Variants in NFIA observed in about 807,000 individuals in gnomAD.
NFIA encodes nuclear factor 1 A-type.
NFIA carries 8 observed loss-of-function variants against 62.8 expected under a neutral mutation model. That is an observed-to-expected ratio of 0.13 (90% CI 0.07 to 0.23). NFIA has a LOEUF of 0.23. Ranked by LOEUF, NFIA falls within the 10% of genes least tolerant of loss-of-function variation. The probability of loss-of-function intolerance (pLI) is 1.00; values close to 1 mark genes in which losing one functional copy is unlikely to be tolerated. For missense variants in NFIA, 410 were observed against 642.1 expected, an observed-to-expected ratio of 0.64 and a Z score of 3.91; for synonymous variants, 235 against 238.1, an observed-to-expected ratio of 0.99 and a Z score of 0.12.
intron 2 of NFIA, chr1:61,249,036 G>C (rs975109230): frequency 9.2e-5 from 14 of 152,210 alleles, no homozygotes; most frequent in African/African-American, 3.4e-4. Flanking sequence ...AGTTGTGAGA[G>C]AAAAGTAGGT....
chr1:61,154,088 C>G (rs1648618988), intron 2 of NFIA, among the ~76,000 whole-genome samples: 2 of 152,202 alleles, frequency 1.3e-5, no homozygotes, highest in South Asian at 4.1e-4. Flanking sequence ...CACTTTAACT[C>G]AGACTGTTGG....
chr1:61,392,922 C>T (rs1201259109), intron 7 of NFIA, among the ~76,000 whole-genome samples: 3 of 152,150 alleles, frequency 2.0e-5, no homozygotes, highest in Non-Finnish European at 2.9e-5. Flanking sequence ...CTCAGTCACA[C>T]GCAGGCCTAT....
chr1:61,345,203 T>C (rs1202374501), intron 4 of NFIA, among the ~76,000 whole-genome samples: 3 of 152,234 alleles, frequency 2.0e-5, no homozygotes, highest in Non-Finnish European at 4.4e-5. Context: ...TCAGATTCGT[T>C]AATTACAATA....
intron 9 of NFIA, among the ~76,000 whole-genome samples, chr1:61,411,294 A>G (rs564153872): frequency 1.2e-4 from 19 of 152,276 alleles, no homozygotes; most frequent in Admixed American, 7.2e-4. Context: ...TTAATGGGAA[A>G]AATCCTTACC....
At chr1:61,358,039 T>C (rs1193141775) in intron 5 of NFIA, among the ~76,000 whole-genome samples, 1 of 151,890 alleles carries the variant, frequency 6.6e-6, no homozygotes, top group Non-Finnish European at 1.5e-5. Context: ...AAATGAGATA[T>C]ATTCTGAAAG....
chr1:61,434,302 A>G (rs1667235023), intron 10 of NFIA, among the ~76,000 whole-genome samples: 1 of 152,098 alleles, frequency 6.6e-6, no homozygotes. Context: ...AATAGTAAGC[A>G]ACACCTCGCA....
At chr1:61,082,880 T>G (rs1369649416) in intron 1 of NFIA, 62 bp downstream of exon 1, 86 of 586,402 alleles carry the variant, frequency 1.5e-4, no homozygotes, top group Non-Finnish European at 2.0e-4. Context: ...GGGCTGGGGC[T>G]GGGTGGGGGG....
intron 6 of NFIA, among the ~76,000 whole-genome samples, chr1:61,370,710 G>C (rs1383951682): frequency 6.6e-6 from 1 of 152,158 alleles, no homozygotes; most frequent in Non-Finnish European, 1.5e-5. Context: ...TCAGCCCACT[G>C]TGGGGAACTG....
At chr1:61,237,595 C>T (rs557115011) in intron 2 of NFIA, among the ~76,000 whole-genome samples, 1 of 152,298 alleles carries the variant, frequency 6.6e-6, no homozygotes, top group South Asian at 2.1e-4. Context: ...ACAGAATCAA[C>T]AGGAGATAAG....
At chr1:61,274,893 A>G (rs1657714885) in intron 2 of NFIA, among the ~76,000 whole-genome samples, 1 of 152,132 alleles carries the variant, frequency 6.6e-6, no homozygotes, top group African/African-American at 2.4e-5. Flanking sequence ...TAGCACTAAG[A>G]CTGGGTAGTT....
chr1:61,397,586 T>G (rs1253555640), intron 7 of NFIA, among the ~76,000 whole-genome samples: 1 of 152,166 alleles, frequency 6.6e-6, no homozygotes, highest in African/African-American at 2.4e-5. Context: ...ATCACTTAAT[T>G]GTGTGATCAG....
At chr1:61,363,585 C>T (rs1393603404) in intron 6 of NFIA, among the ~76,000 whole-genome samples, 1 of 132,258 alleles carries the variant, frequency 7.6e-6, no homozygotes, top group Non-Finnish European at 1.6e-5. Context: ...GCCTGGGCAA[C>T]AAGAGCAAAA....
intron 6 of NFIA, among the ~76,000 whole-genome samples, chr1:61,368,012 C>T (rs888817844): frequency 3.3e-5 from 5 of 152,182 alleles, no homozygotes; most frequent in Admixed American, 6.5e-5. Context: ...GCGATGTATA[C>T]GTTTGTCGAA....
intron 2 of NFIA, among the ~76,000 whole-genome samples, chr1:61,247,806 T>A (rs1655748134): frequency 6.6e-6 from 1 of 152,154 alleles, no homozygotes; most frequent in Admixed American, 6.5e-5. Flanking sequence ...AAAAAGGGCA[T>A]TCATCTCAGG....
At position 61,332,911 on chromosome 1, in the gene NFIA, A is replaced by G. The variant is rs183953025; in HGVS notation, c.700+325A>G. Among the ~76,000 whole-genome samples the G allele has an allele frequency of 2.6e-3, 400 of 152,322 alleles. 4 individuals carry two copies. Among genetic ancestry groups the G allele is most frequent in the African/African-American group, 9.1e-3 (379 of 41,570 alleles). On this transcript the variant is annotated intron_variant, in intron 4 of 10. Transcript: ENST00000403491. The stretch of plus-strand genomic sequence containing the variant: ...TGCTAATGCCCTCAGTATGAGTGAC[A>G]CAGTCTGGGATGATCATTACCAGTT...
At chr1:61,334,579 A>C (rs1304758023) in intron 4 of NFIA, among the ~76,000 whole-genome samples, 1 of 74,406 alleles carries the variant, frequency 1.3e-5, no homozygotes, top group African/African-American at 4.9e-5. Context: ...ATATATATAT[A>C]TATATATATA....
chr1:61,286,046 C>T (rs1356579307), intron 3 of NFIA, among the ~76,000 whole-genome samples: 3 of 152,130 alleles, frequency 2.0e-5, no homozygotes, highest in Non-Finnish European at 4.4e-5. Context: ...TGACACTGAG[C>T]GTCTGTTAAG....
chr1:61,138,613 C>G (rs1259572957), intron 2 of NFIA, among the ~76,000 whole-genome samples: 2 of 151,860 alleles, frequency 1.3e-5, no homozygotes, highest in African/African-American at 4.8e-5. Flanking sequence ...CAAGATCTTA[C>G]TCTGTTTCCC....
At chr1:61,146,602 C>G (rs537719232) in intron 2 of NFIA, among the ~76,000 whole-genome samples, 1 of 152,186 alleles carries the variant, frequency 6.6e-6, no homozygotes, top group Non-Finnish European at 1.5e-5. Context: ...CCTGAATTTT[C>G]CTGGGCTTGT....
Sources: allele counts gnomAD v4.1 joint callset (sites outside exome capture counted in the v4.1 genomes callset), GRCh38; gene constraint gnomAD v4.1.1; transcripts MANE v1.5; gene names NCBI Gene and HGNC (gene_info 2026-07-23, HGNC 2026-07-21).